Variants in NAALADL2 observed in about 807,000 individuals in gnomAD.
NAALADL2 encodes inactive N-acetylated-alpha-linked acidic dipeptidase-like protein 2.
In NAALADL2, 76 loss-of-function variants were observed where a neutral mutation model predicts 87.2. The ratio of observed to expected loss-of-function variants is 0.87; its 90% confidence interval spans 0.72 to 1.05. The LOEUF (loss-of-function observed/expected upper bound fraction) is 1.05. Among genes scored for constraint, NAALADL2 ranks in the 50% least tolerant of loss-of-function variants. The probability of loss-of-function intolerance (pLI) is 0.00; values close to 1 mark genes in which losing one functional copy is unlikely to be tolerated. For missense variants in NAALADL2, 1,089 were observed against 945.8 expected, an observed-to-expected ratio of 1.15 and a Z score of -1.99; for synonymous variants, 354 against 331.0, an observed-to-expected ratio of 1.07 and a Z score of -0.75.
At chr3:175,559,769 G>C (rs1715971367) in intron 9 of NAALADL2, among the ~76,000 whole-genome samples, 1 of 152,174 alleles carries the variant, frequency 6.6e-6, no homozygotes, top group Non-Finnish European at 1.5e-5. Flanking sequence ...CACCAATCTT[G>C]TATCACTGGG....
In NAALADL2 at chr3:174,792,272, G is replaced by A. The variant is rs1267775528; in HGVS notation, c.-9+54526G>A. ...GAAGATGAGGAAGGAAAGAAGGAAG[G>A]AAGGAGGGAGGGAAGGAGGGAGGGA... On this transcript the variant is annotated intron_variant, in intron 3 of 3. Transcript: ENST00000434257. 4.7e-5 allele frequency among the ~76,000 whole-genome samples: 7 copies of A among 148,958 alleles called. No individual in the cohort carries two copies. The East Asian group carries it at 1.4e-3, about 30-fold the overall frequency.
At chr3:175,561,142 T>C (rs914613615) in intron 9 of NAALADL2, among the ~76,000 whole-genome samples, 1 of 152,234 alleles carries the variant, frequency 6.6e-6, no homozygotes, top group South Asian at 2.1e-4. Flanking sequence ...AAGTGTTATA[T>C]ACAGTTATTG....
intron 11 of NAALADL2, among the ~76,000 whole-genome samples, chr3:175,685,585 C>A (rs990425291): frequency 6.6e-6 from 1 of 151,690 alleles, no homozygotes; most frequent in African/African-American, 2.4e-5. Context: ...TGGAGCCAAG[C>A]AAGTCCCAAG....
intron 1 of NAALADL2, among the ~76,000 whole-genome samples, chr3:175,081,591 A>G (rs908295724): frequency 6.6e-6 from 1 of 152,090 alleles, no homozygotes; most frequent in Non-Finnish European, 1.5e-5. Context: ...CTTTTTCTCC[A>G]TTGAGGGAGA....
chr3:175,422,975 C>A (rs1715967118), intron 5 of NAALADL2, among the ~76,000 whole-genome samples: 1 of 140,086 alleles, frequency 7.1e-6, no homozygotes, highest in Non-Finnish European at 1.5e-5. Context: ...GCACTATCTT[C>A]CTTGATGATT....
At chr3:175,515,821 A>T (rs964429482) in intron 9 of NAALADL2, among the ~76,000 whole-genome samples, 3 of 152,318 alleles carry the variant, frequency 2.0e-5, no homozygotes, top group Non-Finnish European at 2.9e-5. Context: ...CATGAGACAT[A>T]GTTCCAGGAG....
chr3:175,710,825 T>C (rs190363068), intron 11 of NAALADL2, among the ~76,000 whole-genome samples: 3 of 151,968 alleles, frequency 2.0e-5, no homozygotes, highest in Admixed American at 2.0e-4. Flanking sequence ...ATGTTATTTA[T>C]TGCACACTCT....
chr3:174,552,169 C>T (rs1712204282), intron 2 of NAALADL2, among the ~76,000 whole-genome samples: 1 of 152,218 alleles, frequency 6.6e-6, no homozygotes, highest in African/African-American at 2.4e-5. Flanking sequence ...TCTATATTGT[C>T]TTCCAATCGT....
intron 1 of NAALADL2, among the ~76,000 whole-genome samples, chr3:174,535,839 T>A (rs1373029328): frequency 6.6e-6 from 1 of 152,150 alleles, no homozygotes; most frequent in Non-Finnish European, 1.5e-5. Context: ...ATTTTCCCTC[T>A]ACATTATAAT....
intron 1 of NAALADL2, among the ~76,000 whole-genome samples, chr3:174,870,820 T>A (rs181697629): frequency 9.2e-4 from 140 of 152,272 alleles, no homozygotes; most frequent in Non-Finnish European, 1.0e-3. Flanking sequence ...CTTAAAAAAA[T>A]AATATTTTAT....
At chr3:175,174,515 T>C (rs1735391074) in intron 2 of NAALADL2, among the ~76,000 whole-genome samples, 1 of 152,018 alleles carries the variant, frequency 6.6e-6, no homozygotes, top group African/African-American at 2.4e-5. Context: ...AATTATATTC[T>C]GATAAAAGAA....
intron 2 of NAALADL2, among the ~76,000 whole-genome samples, chr3:175,144,062 A>G (rs1730408402): frequency 6.6e-6 from 1 of 152,024 alleles, no homozygotes; most frequent in Non-Finnish European, 1.5e-5. Flanking sequence ...AAAATAATTT[A>G]AAAGAATAAT....
intron 10 of NAALADL2, among the ~76,000 whole-genome samples, chr3:175,586,439 T>G (rs1377051577): frequency 6.6e-6 from 1 of 152,238 alleles, no homozygotes; most frequent in Non-Finnish European, 1.5e-5. Context: ...ATGCTGTTTT[T>G]GTTCCTGTGA....
intron 5 of NAALADL2, among the ~76,000 whole-genome samples, chr3:175,412,526 G>C (rs888901108): frequency 6.6e-6 from 1 of 152,144 alleles, no homozygotes; most frequent in African/African-American, 2.4e-5. Context: ...TTATCTCCTA[G>C]ATATTAGTTT....
In NAALADL2 at chr3:175,093,681, G is replaced by A. The variant is rs546546915; in HGVS notation, c.44-3109G>A. On this transcript the variant is annotated intron_variant, in intron 1 of 13. Coordinates refer to ENST00000454872, the MANE Select transcript of NAALADL2 (RefSeq NM_207015.3). ...TATATGTCATTACATACTCATTTCC[G>A]TAGTAATTTCCCTGAAATACTTTGG... Among the ~76,000 whole-genome samples the A allele has an allele frequency of 9.3e-5, 14 of 151,350 alleles. 1 individual carries two copies. The highest frequency in any genetic ancestry group is 4.2e-4 in the South Asian group (2 of 4,794).
At chr3:175,749,968 G>C (rs1369469992) in intron 12 of NAALADL2, among the ~76,000 whole-genome samples, 2 of 152,204 alleles carry the variant, frequency 1.3e-5, no homozygotes, top group Non-Finnish European at 2.9e-5. Context: ...TTTCTGGGAA[G>C]AAGTTTGTCA....
intron 5 of NAALADL2, among the ~76,000 whole-genome samples, chr3:175,326,448 C>T (rs780616461): frequency 6.6e-6 from 1 of 152,162 alleles, no homozygotes; most frequent in Non-Finnish European, 1.5e-5. Flanking sequence ...CTAGCCTGTT[C>T]CTTTAAGTTC....
intron 3 of NAALADL2, among the ~76,000 whole-genome samples, chr3:174,782,497 T>A (rs1246577627): frequency 6.6e-6 from 1 of 152,116 alleles, no homozygotes; most frequent in South Asian, 2.1e-4. Context: ...GTGTGTCTAT[T>A]TATTTTTGTA....
At chr3:174,507,784 A>T (rs1719294093) in intron 1 of NAALADL2, among the ~76,000 whole-genome samples, 1 of 152,100 alleles carries the variant, frequency 6.6e-6, no homozygotes, top group Non-Finnish European at 1.5e-5. Context: ...CAACTTGTTT[A>T]TCCACATATG....
Sources: gnomAD v4.1 joint callset for allele counts (sites outside exome capture counted in the v4.1 genomes callset) on GRCh38, gnomAD v4.1.1 for gene constraint, MANE v1.5 for transcripts, NCBI Gene and HGNC (gene_info 2026-07-23, HGNC 2026-07-21) for gene names.